NCAN: variants seen among roughly 807,000 people sequenced by gnomAD.
NCAN encodes the protein neurocan.
A neutral mutation model predicts 121.8 loss-of-function variants in NCAN; 47 were observed. The observed-to-expected ratio is 0.39, with a 90% CI of 0.31 to 0.49. NCAN has a LOEUF of 0.49. Ranked by LOEUF, NCAN falls within the 20% of genes least tolerant of loss-of-function variation. The probability of loss-of-function intolerance (pLI) is 0.92; values close to 1 mark genes in which losing one functional copy is unlikely to be tolerated. For synonymous variants in NCAN, 633 were observed against 702.0 expected (o/e 0.90, Z 1.55); for missense variants, 1,517 against 1,773.4 (o/e 0.86, Z 2.60).
rs532169922 is a variant in NCAN at position 19,220,794 on chromosome 19, G to A, written c.475+1478G>A. 1.7e-3 allele frequency among the ~76,000 whole-genome samples: 260 copies of A among 152,160 alleles called. 1 individual carries two copies. The highest frequency in any genetic ancestry group is 5.9e-3 in the African/African-American group (247 of 41,522). On this transcript the variant is annotated intron_variant, in intron 3 of 14. Coordinates refer to ENST00000252575, the MANE Select transcript of NCAN (RefSeq NM_004386.3). ...TATTAAATTCTTCTTGTTGAGCTGC[G>A]TGTGGTAGTGCACACCTGTAGTTTC...
chr19:19,222,981 C>T (rs1378426339), intron 3 of NCAN, among the ~76,000 whole-genome samples: 1 of 151,912 alleles, frequency 6.6e-6, no homozygotes, highest in Admixed American at 6.6e-5. Context: ...TGATGGCAGG[C>T]GCCTGTAGTC....
chr19:19,240,592 C>A lies in NCAN; in HGVS notation c.3410-11C>A. 2 of 1,614,010 alleles carry A rather than the reference C, an allele frequency of 1.2e-6. No homozygotes were observed. The highest frequency in any genetic ancestry group is 1.7e-6 in the Non-Finnish European group (2 of 1,179,972). ...GGTGAACACCCAGACCCACAACCCC[C>A]GACCCTGCAGGCTTTGGGCATGAAA... On this transcript the variant is annotated splice_polypyrimidine_tract_variant and intron_variant, in intron 11 of 14. Transcript: ENST00000252575.
Position 19,227,083 on chromosome 19 carries a change from T to C in NCAN, c.1660+10T>C. ...GATATGCCTGGAGCTGGTGAGTTGC[T>C]CTGGGGGAGGCGGGACCTACCTGGG... On this transcript the variant is annotated intron_variant, in intron 7 of 14. Coordinates refer to ENST00000252575, the MANE Select transcript of NCAN (RefSeq NM_004386.3). The surrounding 1 kb of genome is among the most constrained non-coding windows in gnomAD (Gnocchi z 4.2). The C allele has an allele frequency of 1.3e-6, 2 of 1,506,132 alleles. No individual in the cohort carries two copies. Among genetic ancestry groups the C allele is most frequent in the Non-Finnish European group, 1.8e-6 (2 of 1,129,202 alleles). 93.3% of individuals were successfully genotyped at this position (1,506,132 alleles called of 1,614,324 possible).
intron 9 of NCAN, 23 bp downstream of exon 9, chr19:19,233,928 C>A: frequency 6.8e-7 from 1 of 1,461,912 alleles, no homozygotes; most frequent in Non-Finnish European, 9.6e-7. Context: ...GACTCAGGAT[C>A]TGAATCTGAA....
intron 5 of NCAN, among the ~76,000 whole-genome samples, 192 bp downstream of exon 5, chr19:19,224,625 C>T (rs1427021370): frequency 6.6e-6 from 1 of 151,040 alleles, no homozygotes; most frequent in African/African-American, 2.4e-5. Context: ...CTCCCTTTGC[C>T]CCCTTCCTCT....
intron 8 of NCAN, among the ~76,000 whole-genome samples, chr19:19,230,708 G>A (rs1036791367): frequency 6.8e-6 from 1 of 146,344 alleles, no homozygotes; most frequent in South Asian, 2.2e-4. Flanking sequence ...CTGTGTTGGG[G>A]TGGGATCTTT....
At chr19:19,229,266 G>C (rs2060849677) in intron 8 of NCAN, among the ~76,000 whole-genome samples, 3 of 152,168 alleles carry the variant, frequency 2.0e-5, no homozygotes, top group Admixed American at 2.0e-4. Flanking sequence ...GTCTGATTTG[G>C]GGATGAGTTC....
chr19:19,234,711 A>C (rs1163201642), intron 9 of NCAN, among the ~76,000 whole-genome samples: 2 of 152,160 alleles, frequency 1.3e-5, no homozygotes, highest in African/African-American at 4.8e-5. Flanking sequence ...TATAACCTTC[A>C]CTTCTCTAGA....
intron 1 of NCAN, among the ~76,000 whole-genome samples, chr19:19,215,440 G>A (rs944849371): frequency 6.6e-6 from 1 of 152,214 alleles, no homozygotes. Context: ...GAAATGCACT[G>A]CTGTGTCCCA....
intron 10 of NCAN, 108 bp from the exon 11 acceptor site, chr19:19,238,145 C>G: frequency 6.9e-7 from 1 of 1,457,470 alleles, no homozygotes; most frequent in Non-Finnish European, 9.5e-7. Flanking sequence ...GATTTCGCCC[C>G]GCAGTGACCT....
At chr19:19,226,351 C>A in intron 6 of NCAN, 135 bp from the exon 7 acceptor site, 1 of 703,368 alleles carries the variant, frequency 1.4e-6, no homozygotes, top group Non-Finnish European at 2.2e-6. Flanking sequence ...CTGGGGGAAT[C>A]TCAGAAACTA....
At chr19:19,249,313 A>C (rs1285425547) in intron 14 of NCAN, among the ~76,000 whole-genome samples, 2 of 151,914 alleles carry the variant, frequency 1.3e-5, no homozygotes, top group Non-Finnish European at 2.9e-5. Flanking sequence ...TCATGTGATC[A>C]GCTCACCTCA....
rs973989871 is a variant in NCAN, at chr19:19,250,076, T to G, written c.*165T>G. ...TGTACAAAGCTCCTCTTTTCCCTTT[T>G]TTTACATACACAAGATCCTCTTGGC... On this transcript the variant is annotated 3_prime_UTR_variant, in exon 15 of 15. Coordinates refer to ENST00000252575, the MANE Select transcript of NCAN (RefSeq NM_004386.3). 10 of 811,866 alleles carry G rather than the reference T, an allele frequency of 1.2e-5. No homozygotes were observed. Among genetic ancestry groups the G allele is most frequent in the Non-Finnish European group, 2.1e-5 (10 of 483,054 alleles). 50.3% of individuals were successfully genotyped at this position (811,866 alleles called of 1,614,324 possible). A position where few individuals can be genotyped will look rare whatever the true frequency, so the allele number is the denominator to read the frequency against.
chr19:19,217,007 C>G lies in NCAN; in HGVS notation c.54C>G (p.Leu18=). 7.6e-7 allele frequency: 1 copy of G among 1,312,030 alleles called. No homozygotes were observed. 81.3% of individuals were successfully genotyped at this position (1,312,030 alleles called of 1,614,324 possible). Residue 18 remains leucine (L), a synonymous_variant, in exon 2 of 15, where the codon CTC becomes CTG. Coordinates refer to ENST00000252575, the MANE Select transcript of NCAN (RefSeq NM_004386.3). ...ALGLLMLQML[L]FVAGEQGTQD... Reference sequence around the variant, plus strand: ...GCCTTTTGATGCTGCAGATGCTGCTCTTTGTGGCTGGGGAACAGGGTGAGT... The same window carrying G: ...GCCTTTTGATGCTGCAGATGCTGCTGTTTGTGGCTGGGGAACAGGGTGAGT...
rs778309500 is a variant in NCAN, at chr19:19,224,383, G to A, written c.728G>A (p.Arg243His). 19 of 1,613,882 alleles carry A rather than the reference G, an allele frequency of 1.2e-5. No homozygotes were observed. Among genetic ancestry groups the A allele is most frequent in the Non-Finnish European group, 1.5e-5 (18 of 1,179,974 alleles). ...SLPGVRSYGR[R>H]NPQELYDVYC... is the part of the protein sequence containing the mutation. Reference sequence around the variant, plus strand: ...CCAGGGGTTCGGAGCTATGGGAGGCGCAACCCACAGGAACTCTACGATGTG... The same window carrying A: ...CCAGGGGTTCGGAGCTATGGGAGGCACAACCCACAGGAACTCTACGATGTG... The change falls in exon 5 of 15, where the codon CGC (arginine) becomes CAC (histidine). Residue 243 changes from arginine to histidine, a missense_variant. Transcript: ENST00000252575.
intron 10 of NCAN, among the ~76,000 whole-genome samples, chr19:19,237,453 C>T (rs1049989910): frequency 9.9e-5 from 15 of 151,284 alleles, no homozygotes; most frequent in African/African-American, 3.2e-4. Context: ...CGCACCATTA[C>T]ACTCCAGCCT....
At position 19,251,335 on chromosome 19, in the gene NCAN, A is replaced by G. The variant is rs1469265140; in HGVS notation, c.*1424A>G. On this transcript the variant is annotated 3_prime_UTR_variant, in exon 15 of 15. Transcript: ENST00000252575. The stretch of plus-strand genomic sequence containing the variant: ...TAATAATGACCATTGACAACTAAGA[A>G]GTAGACACCATGCTAAAGACTTACA... The G allele has an allele frequency of 6.6e-6, 1 of 152,248 alleles. No homozygotes were observed. The highest frequency in any genetic ancestry group is 1.5e-5 in the Non-Finnish European group (1 of 68,040). 9.4% of individuals were successfully genotyped at this position (152,248 alleles called of 1,614,324 possible).
intron 10 of NCAN, among the ~76,000 whole-genome samples, 180 bp downstream of exon 10, chr19:19,235,276 T>C (rs2060876836): frequency 6.6e-6 from 1 of 152,212 alleles, no homozygotes. Flanking sequence ...TACTTTATTT[T>C]ATTATTTTTT....
rs2060889841 is a variant in NCAN at position 19,238,368 on chromosome 19, C to T, written c.3366C>T (p.His1122=). ...AGGACTGCCGCCGCCGCTCCGGCCA[C>T]CTGACCAGCGTCCACTCACCGGAGG... ...AEKDCRRRSG[H]LTSVHSPEEH... is the part of the protein sequence containing the mutation. The change falls in exon 11 of 15, where the codon CAC becomes CAT. Residue 1122 remains histidine, a synonymous_variant. Transcript: ENST00000252575. 1 of 1,614,194 alleles carries T rather than the reference C, an allele frequency of 6.2e-7. No homozygotes were observed.
Sources: allele counts gnomAD v4.1 joint callset (sites outside exome capture counted in the v4.1 genomes callset), GRCh38; gene constraint gnomAD v4.1.1; non-coding constraint Gnocchi (gnomAD v3.1); transcripts MANE v1.5; gene names NCBI Gene and HGNC (gene_info 2026-07-23, HGNC 2026-07-21).